The following SORCS2 variants were observed in gnomAD, a reference collection of about 807,000 sequenced individuals.
The protein encoded by SORCS2 is VPS10 domain-containing receptor SorCS2.
A neutral mutation model predicts 141.6 loss-of-function variants in SORCS2; 100 were observed. The ratio of observed to expected loss-of-function variants is 0.71; its 90% confidence interval spans 0.60 to 0.83. The LOEUF (loss-of-function observed/expected upper bound fraction) is 0.83, where lower values mean the gene tolerates loss of function less well. Among genes scored for constraint, SORCS2 ranks in the 40% least tolerant of loss-of-function variants. SORCS2 has a pLI of 0.00. For missense variants in SORCS2, 1,646 were observed against 1,560.2 expected, an observed-to-expected ratio of 1.05 and a Z score of -0.93; for synonymous variants, 789 against 676.9, an observed-to-expected ratio of 1.17 and a Z score of -2.57.
chr4:7,564,832 C>T (rs1438975671), intron 3 of SORCS2, among the ~76,000 whole-genome samples: 2 of 152,180 alleles, frequency 1.3e-5, no homozygotes, highest in African/African-American at 4.8e-5. Context: ...GCAAATGGTC[C>T]CAATAATTCC....
At chr4:7,667,423 C>T (rs888395640) in intron 8 of SORCS2, among the ~76,000 whole-genome samples, 15 of 152,232 alleles carry the variant, frequency 9.9e-5, no homozygotes, top group South Asian at 2.1e-4. Context: ...CCAGCTTCAT[C>T]CTAGGCCTCT....
chr4:7,462,221 G>A lies in SORCS2; in HGVS notation c.548+65866G>A, dbSNP rs181915933. Among the ~76,000 whole-genome samples, 153 of 152,302 alleles carry A rather than the reference G, an allele frequency of 1.0e-3. 1 individual carries two copies. Among genetic ancestry groups the A allele is most frequent in the African/African-American group, 3.5e-3 (144 of 41,564 alleles). On this transcript the variant is annotated intron_variant, in intron 2 of 26. Coordinates refer to ENST00000507866, the MANE Select transcript of SORCS2 (RefSeq NM_020777.3). ...CCAGCTCTCCTGCCCGGTGCTTCAC[G>A]CAGGGACAGGTGGATGGGGAGACTT...
chr4:7,589,940 C>T (rs75281658), intron 3 of SORCS2, among the ~76,000 whole-genome samples: 9 of 152,292 alleles, frequency 5.9e-5, no homozygotes, highest in East Asian at 1.9e-4. Context: ...GAACCAAGAG[C>T]TTTCCATGTG....
chr4:7,725,117 G>C, intron 19 of SORCS2, 37 bp from the exon 20 acceptor site: 1 of 1,601,612 alleles, frequency 6.2e-7, no homozygotes, highest in Non-Finnish European at 8.5e-7. Context: ...CCCATGCCCT[G>C]ATATCATCTA....
intron 3 of SORCS2, among the ~76,000 whole-genome samples, chr4:7,586,327 C>T (rs558434651): frequency 7.2e-5 from 11 of 152,252 alleles, no homozygotes; most frequent in African/African-American, 2.6e-4. Flanking sequence ...GTTTTTTCTT[C>T]AACATTTATT....
In SORCS2 at chr4:7,703,280, G is replaced by T. The variant is rs1484860340; in HGVS notation, c.1669G>T (p.Val557Leu). Residue 557 changes from valine to leucine, a missense_variant and splice_region_variant, in exon 13 of 27, where the codon GTG becomes TTG. Physicochemically the swap from Val to Leu is conservative, Grantham distance 32. Transcript: ENST00000507866. Reference sequence around the variant, plus strand: ...TCAGCCACACCACTCTCCTCTGCAGGTGTTTGAGGAAGAGCATCACATCCT... The same window carrying T: ...TCAGCCACACCACTCTCCTCTGCAGTTGTTTGAGGAAGAGCATCACATCCT... Reference protein sequence around the residue: ...TSDCGHTWRQVFEEEHHILYL... With the variant: ...TSDCGHTWRQLFEEEHHILYL... 6.2e-7 allele frequency: 1 copy of T among 1,610,514 alleles called. No individual in the cohort carries two copies. The highest frequency in any genetic ancestry group is 1.1e-5 in the South Asian group (1 of 90,240).
chr4:7,221,659 G>A (rs1196718984), intron 1 of SORCS2, among the ~76,000 whole-genome samples: 4 of 152,220 alleles, frequency 2.6e-5, no homozygotes, highest in African/African-American at 9.6e-5. Context: ...AAAGACAGAA[G>A]CTTTCCCTCC....
chr4:7,589,061 C>G (rs77621928), intron 3 of SORCS2, among the ~76,000 whole-genome samples: 2 of 152,120 alleles, frequency 1.3e-5, no homozygotes, highest in South Asian at 4.2e-4. Context: ...CAGTGAGCTG[C>G]CGGGTGACCC....
At chr4:7,440,870 G>T (rs1727616985) in intron 2 of SORCS2, among the ~76,000 whole-genome samples, 1 of 152,230 alleles carries the variant, frequency 6.6e-6, no homozygotes, top group Admixed American at 6.5e-5. Context: ...GCGGGGTGAG[G>T]GCTGCTGGGT....
intron 19 of SORCS2, among the ~76,000 whole-genome samples, chr4:7,724,303 AATG>A (rs1200543886): frequency 1.8e-4 from 11 of 62,466 alleles, no homozygotes; most frequent in African/African-American, 2.9e-4. Flanking sequence ...TAATGGTGAC[AATG>A]GTGGTGGTGG....
intron 2 of SORCS2, among the ~76,000 whole-genome samples, chr4:7,439,805 G>C (rs1727542114): frequency 6.6e-6 from 1 of 152,176 alleles, no homozygotes; most frequent in Non-Finnish European, 1.5e-5. Context: ...AGCTGGCATG[G>C]GGTGGTTTCC....
intron 3 of SORCS2, among the ~76,000 whole-genome samples, chr4:7,604,021 T>G (rs1717902555): frequency 6.6e-6 from 1 of 152,174 alleles, no homozygotes; most frequent in Non-Finnish European, 1.5e-5. Context: ...GTTTGTTGTG[T>G]GTTGTGTGTG....
rs189910333 is a variant in SORCS2, at chr4:7,678,687, C to T, written c.1341+2458C>T. ...AAGCCAGAAGAGGTTCGCAGTGGCC[C>T]GGTTCAAAGGTGACACCCACCATCC... is the stretch of plus-strand genomic sequence containing the variant. On this transcript the variant is annotated intron_variant, in intron 9 of 26. Coordinates refer to ENST00000507866, the MANE Select transcript of SORCS2 (RefSeq NM_020777.3). Among the ~76,000 whole-genome samples the T allele has an allele frequency of 6.0e-5, 9 of 150,660 alleles. No homozygotes were observed. The East Asian group carries it at 1.6e-3, about 27-fold the overall frequency.
At chr4:7,455,576 A>AGCTGTGTGTTGGGGTCAGGT (rs1159014981) in intron 2 of SORCS2, among the ~76,000 whole-genome samples, 144 of 56,246 alleles carry the variant, frequency 2.6e-3, no homozygotes, top group Non-Finnish European at 3.3e-3. Context: ...TGGGGTCAGG[A>AGCTGTGTGTTGGGGTCAGGT]GCTGTGTGTT....
intron 1 of SORCS2, among the ~76,000 whole-genome samples, chr4:7,258,014 T>C (rs1423729004): frequency 1.3e-5 from 2 of 152,200 alleles, no homozygotes; most frequent in African/African-American, 4.8e-5. Flanking sequence ...CCCAGGTACC[T>C]CTGCTCTGTC....
At chr4:7,606,512 G>C (rs1394966504) in intron 3 of SORCS2, among the ~76,000 whole-genome samples, 3 of 151,984 alleles carry the variant, frequency 2.0e-5, no homozygotes, top group Non-Finnish European at 4.4e-5. Flanking sequence ...GTTCCTCTCA[G>C]AAGTTTCCAG....
At chr4:7,400,392 C>T (rs1373455770) in intron 2 of SORCS2, among the ~76,000 whole-genome samples, 1 of 152,198 alleles carries the variant, frequency 6.6e-6, no homozygotes, top group East Asian at 1.9e-4. Context: ...CTACTCAGTG[C>T]AAAGAGGCCC....
chr4:7,221,906 C>G (rs1258025201), intron 1 of SORCS2, among the ~76,000 whole-genome samples: 1 of 152,160 alleles, frequency 6.6e-6, no homozygotes, highest in Non-Finnish European at 1.5e-5. Flanking sequence ...CCATTCAGAT[C>G]CTTACCTTCA....
In SORCS2 at chr4:7,286,382, T is replaced by C. The variant is rs1716224077; in HGVS notation, c.480+93256T>C. ...GGGGCTGGGTTGGGGAGCTACCTAC[T>C]TTGGCCAGAACGGAGCAGGGTGTGG... On this transcript the variant is annotated intron_variant, in intron 1 of 26. Coordinates refer to ENST00000507866, the MANE Select transcript of SORCS2 (RefSeq NM_020777.3). The surrounding 1 kb of genome is among the most constrained non-coding windows in gnomAD (Gnocchi z 4.1). 6.6e-6 allele frequency among the ~76,000 whole-genome samples: 1 copy of C among 152,110 alleles called. No homozygotes were observed. The highest frequency in any genetic ancestry group is 2.4e-5 in the African/African-American group (1 of 41,428).
Sources: gnomAD v4.1 joint callset for allele counts (sites outside exome capture counted in the v4.1 genomes callset) on GRCh38, gnomAD v4.1.1 for gene constraint, Gnocchi (gnomAD v3.1) non-coding constraint, MANE v1.5 for transcripts, NCBI Gene and HGNC (gene_info 2026-07-23, HGNC 2026-07-21) for gene names.